CDH12: variants seen among roughly 807,000 people sequenced by gnomAD.
The protein encoded by CDH12 is cadherin-12.
Under a neutral mutation model 74.1 loss-of-function variants are expected in CDH12, and 41 were observed. That is an observed-to-expected ratio of 0.55 (90% CI 0.43 to 0.72). The LOEUF (loss-of-function observed/expected upper bound fraction) is 0.72. CDH12 is among the 30% of genes least tolerant of loss of function. The pLI is 0.00. For missense variants in CDH12, 945 were observed against 977.2 expected (o/e 0.97, Z 0.44); for synonymous variants, 399 against 355.0 (o/e 1.12, Z -1.39).
chr5:22,844,402 T>A (rs1737211487), intron 1 of CDH12, among the ~76,000 whole-genome samples: 1 of 152,078 alleles, frequency 6.6e-6, no homozygotes. Context: ...GCTTTCACTT[T>A]ACTGAAGCAG....
At position 22,287,622 on chromosome 5, in the gene CDH12, C is replaced by T. The variant is rs527807511; in HGVS notation, c.-332-74979G>A. On this transcript the variant is annotated intron_variant, in intron 3 of 14. Coordinates refer to ENST00000382254, the MANE Select transcript of CDH12 (RefSeq NM_004061.5). ...CCTGTAGTCCCAGCTATTCGGGAGG[C>T]TGAGGCAGGAGAATGGCGTGAACCT... is the stretch of plus-strand genomic sequence containing the variant. Among the ~76,000 whole-genome samples the T allele has an allele frequency of 2.4e-3, 368 of 150,506 alleles. 3 individuals carry two copies. The highest frequency in any genetic ancestry group is 8.8e-3 in the African/African-American group (362 of 40,968).
chr5:22,690,984 T>G (rs1307046164), intron 1 of CDH12, among the ~76,000 whole-genome samples: 1 of 152,176 alleles, frequency 6.6e-6, no homozygotes, highest in Admixed American at 6.5e-5. Flanking sequence ...GACCGATCCA[T>G]GCAATGAGTT....
At chr5:22,384,511 G>C (rs1458750375) in intron 3 of CDH12, among the ~76,000 whole-genome samples, 1 of 111,090 alleles carries the variant, frequency 9.0e-6, no homozygotes, top group Non-Finnish European at 1.8e-5. Flanking sequence ...GGGCCACAGA[G>C]CGAAACTCCG....
intron 3 of CDH12, among the ~76,000 whole-genome samples, chr5:22,292,726 T>C (rs1412269831): frequency 6.6e-6 from 1 of 152,036 alleles, no homozygotes; most frequent in Admixed American, 6.6e-5. Flanking sequence ...CTGTGGCTAT[T>C]ATCAAAAAGA....
intron 4 of CDH12, among the ~76,000 whole-genome samples, chr5:22,190,400 CTA>C (rs1487107173): frequency 6.6e-6 from 1 of 151,280 alleles, no homozygotes; most frequent in Admixed American, 6.6e-5. Context: ...ATCTATCTAT[CTA>C]TCCTCTATCC....
At chr5:21,791,613 TTA>T (rs112228001) in intron 10 of CDH12, among the ~76,000 whole-genome samples, 7,162 of 151,794 alleles carry the variant, frequency 0.047, 259 homozygotes, top group East Asian at 0.15. Flanking sequence ...GAAAAAACGA[TTA>T]TATGATTATA....
chr5:22,308,135 C>T (rs1738206656), intron 3 of CDH12, among the ~76,000 whole-genome samples: 1 of 151,966 alleles, frequency 6.6e-6, no homozygotes, highest in Non-Finnish European at 1.5e-5. Flanking sequence ...CCACCTCGGC[C>T]TCCCAAAGTG....
intron 8 of CDH12, 139 bp from the exon 9 acceptor site, chr5:21,817,271 G>T: frequency 1.8e-6 from 1 of 543,836 alleles, no homozygotes; most frequent in Non-Finnish European, 3.2e-6. Context: ...GCAATTTGCT[G>T]TCAAGTTAAG....
At chr5:22,634,217 T>C (rs1738720011) in intron 1 of CDH12, among the ~76,000 whole-genome samples, 1 of 152,112 alleles carries the variant, frequency 6.6e-6, no homozygotes, top group South Asian at 2.1e-4. Context: ...AGACTATAAA[T>C]AGCAACAAGA....
intron 1 of CDH12, among the ~76,000 whole-genome samples, chr5:22,698,886 G>A (rs1344771355): frequency 3.3e-5 from 5 of 150,910 alleles, no homozygotes; most frequent in Non-Finnish European, 5.9e-5. Flanking sequence ...AGTTTTCTCC[G>A]TATACAATTA....
intron 1 of CDH12, among the ~76,000 whole-genome samples, chr5:22,813,122 C>G (rs1484625017): frequency 6.6e-6 from 1 of 151,966 alleles, no homozygotes; most frequent in African/African-American, 2.4e-5. Flanking sequence ...TCACGACCTA[C>G]TGAAAAAAAA....
chr5:22,584,003 G>A (rs1322052722), intron 1 of CDH12, among the ~76,000 whole-genome samples: 2 of 151,656 alleles, frequency 1.3e-5, no homozygotes, highest in Admixed American at 6.6e-5. Context: ...CTGCACTAAT[G>A]TATCCATCAA....
At chr5:22,664,391 A>G (rs1421723587) in intron 1 of CDH12, among the ~76,000 whole-genome samples, 1 of 152,128 alleles carries the variant, frequency 6.6e-6, no homozygotes, top group African/African-American at 2.4e-5. Context: ...AGGCAGCAGG[A>G]AGGAGAAGTG....
chr5:21,842,018 A>AT, intron 8 of CDH12, 143 bp downstream of exon 8: 1 of 658,130 alleles, frequency 1.5e-6, no homozygotes, highest in Non-Finnish European at 2.6e-6. Flanking sequence ...AAAAAAAAAA[A>AT]GATTTGTAAT....
At chr5:22,349,649 G>T (rs900124471) in intron 3 of CDH12, among the ~76,000 whole-genome samples, 1 of 152,006 alleles carries the variant, frequency 6.6e-6, no homozygotes, top group African/African-American at 2.4e-5. Flanking sequence ...AAGATTGTTT[G>T]CTCACCCCCA....
intron 1 of CDH12, among the ~76,000 whole-genome samples, chr5:22,582,050 A>T (rs1282841004): frequency 1.3e-5 from 2 of 152,134 alleles, no homozygotes; most frequent in Admixed American, 6.5e-5. Flanking sequence ...TAAAGATTAA[A>T]AAAAACAATA....
chr5:22,303,737 C>T (rs1436456370), intron 3 of CDH12, among the ~76,000 whole-genome samples: 2 of 152,194 alleles, frequency 1.3e-5, no homozygotes, highest in Non-Finnish European at 2.9e-5. Context: ...AAATTTATAA[C>T]ATTTTTGAGC....
At chr5:21,849,556 C>G (rs982790444) in intron 7 of CDH12, among the ~76,000 whole-genome samples, 2 of 151,652 alleles carry the variant, frequency 1.3e-5, no homozygotes, top group Non-Finnish European at 3.0e-5. Flanking sequence ...ATTTCCTTGC[C>G]TTTGCTATCC....
chr5:22,731,569 C>G (rs980245659), intron 1 of CDH12, among the ~76,000 whole-genome samples: 1 of 151,780 alleles, frequency 6.6e-6, no homozygotes, highest in African/African-American at 2.4e-5. Flanking sequence ...ATGGAGGTAA[C>G]CTAGTTAACT....
Sources: gnomAD v4.1 joint callset for allele counts (sites outside exome capture counted in the v4.1 genomes callset) on GRCh38, gnomAD v4.1.1 for gene constraint, MANE v1.5 for transcripts, NCBI Gene and HGNC (gene_info 2026-07-23, HGNC 2026-07-21) for gene names.